CADPS: variants seen among roughly 807,000 people sequenced by gnomAD.
CADPS encodes calcium-dependent secretion activator 1.
CADPS carries 57 observed loss-of-function variants against 167.3 expected under a neutral mutation model. The ratio of observed to expected loss-of-function variants is 0.34; its 90% CI spans 0.28 to 0.42. The LOEUF (loss-of-function observed/expected upper bound fraction) is 0.42, where lower values mean the gene tolerates loss of function less well. CADPS is among the 20% of genes least tolerant of loss of function. The pLI is 1.00. For missense variants in CADPS, 1,414 were observed against 1,738.1 expected (o/e 0.81, Z 3.32); for synonymous variants, 676 against 635.3 (o/e 1.06, Z -0.96).
rs747123779 is a variant in CADPS at position 62,499,167 on chromosome 3, C to A, written c.2701G>T (p.Ala901Ser). 6.2e-7 allele frequency: 1 copy of A among 1,605,324 alleles called. No homozygotes were observed. Among genetic ancestry groups the A allele is most frequent in the Admixed American group, 1.7e-5 (1 of 60,004 alleles). ...TTCCCACCAAGCCTGCTCACCTCTGCGTGGTGCTCCTCATTTTGCTGAAGA... is the reference window on the plus strand; with the variant it reads ...TTCCCACCAAGCCTGCTCACCTCTGAGTGGTGCTCCTCATTTTGCTGAAGA... ...EVLQQNEEHH[A>S]EPHVDKGEAF... is the part of the protein sequence containing the mutation. Residue 901 changes from alanine to serine, a missense_variant, in exon 18 of 30, where the codon GCA becomes TCA. Coordinates refer to ENST00000383710, the MANE Select transcript of CADPS (RefSeq NM_003716.4).
At chr3:62,488,493 TTTA>T (rs956944791) in intron 21 of CADPS, among the ~76,000 whole-genome samples, 18 of 150,558 alleles carry the variant, frequency 1.2e-4, no homozygotes, top group Admixed American at 4.0e-4. Context: ...TATTTATTTA[TTTA>T]TTATTATTAT....
At chr3:62,634,151 A>G (rs552557587) in intron 6 of CADPS, among the ~76,000 whole-genome samples, 3 of 152,318 alleles carry the variant, frequency 2.0e-5, no homozygotes, top group Non-Finnish European at 4.4e-5. Flanking sequence ...ATTTAATATG[A>G]TGAATGCTAG....
chr3:62,666,945 A>T (rs918849779), intron 3 of CADPS, among the ~76,000 whole-genome samples: 3 of 152,014 alleles, frequency 2.0e-5, no homozygotes, highest in Non-Finnish European at 2.9e-5. Flanking sequence ...CAGAGTGGAC[A>T]TCATTTTATC....
chr3:62,462,605 G>A (rs1035778191), intron 26 of CADPS, among the ~76,000 whole-genome samples: 1 of 152,214 alleles, frequency 6.6e-6, no homozygotes, highest in Non-Finnish European at 1.5e-5. Context: ...TAAGTGCACA[G>A]TAATACTTAA....
At chr3:62,575,958 G>A (rs1005484947) in intron 8 of CADPS, among the ~76,000 whole-genome samples, 1 of 152,180 alleles carries the variant, frequency 6.6e-6, no homozygotes, top group East Asian at 1.9e-4. Context: ...GAAAAACTGA[G>A]GGCTGAGATG....
At chr3:62,850,573 G>T (rs2153097762) in intron 1 of CADPS, among the ~76,000 whole-genome samples, 1 of 137,874 alleles carries the variant, frequency 7.3e-6, no homozygotes, top group South Asian at 2.7e-4. Flanking sequence ...TTTCTATGTA[G>T]TTGAGCGGCT....
chr3:62,702,359 A>G (rs939100833), intron 3 of CADPS, among the ~76,000 whole-genome samples: 6 of 152,146 alleles, frequency 3.9e-5, no homozygotes, highest in Admixed American at 2.6e-4. Flanking sequence ...GAGCATGAAG[A>G]CCAAGGCTTA....
chr3:62,626,032 T>C (rs1385695421), intron 6 of CADPS: 1 of 151,400 alleles, frequency 6.6e-6, no homozygotes, highest in Non-Finnish European at 1.5e-5. Context: ...ATTTTATTTA[T>C]TTGTGTCCTG....
At chr3:62,490,634 C>T (rs116261584) in intron 21 of CADPS, among the ~76,000 whole-genome samples, 98 of 152,282 alleles carry the variant, frequency 6.4e-4, no homozygotes, top group African/African-American at 8.9e-4. Context: ...AAAAAAAGCA[C>T]ACGGTTGTCA....
intron 1 of CADPS, among the ~76,000 whole-genome samples, chr3:62,810,531 C>T (rs1029809315): frequency 2.0e-5 from 3 of 152,128 alleles, no homozygotes; most frequent in South Asian, 2.1e-4. Context: ...CTTTATTACT[C>T]GGATTTGTTT....
chr3:62,823,754 C>A (rs2073461849), intron 1 of CADPS, among the ~76,000 whole-genome samples: 1 of 152,154 alleles, frequency 6.6e-6, no homozygotes, highest in Non-Finnish European at 1.5e-5. Flanking sequence ...AAGCCTTAAT[C>A]TCTTTAATCG....
intron 1 of CADPS, among the ~76,000 whole-genome samples, chr3:62,824,166 CAA>C (rs3047274): frequency 0.45 from 57,062 of 126,572 alleles, 11,944 homozygotes; most frequent in Middle Eastern, 0.59. Context: ...GCTATAACTT[CAA>C]AAAAAAAAAA....
chr3:62,585,257 T>C lies in CADPS; in HGVS notation c.1505A>G (p.Asn502Ser), dbSNP rs747633246. 6.2e-7 allele frequency: 1 copy of C among 1,613,754 alleles called. No homozygotes were observed. Among genetic ancestry groups the C allele is most frequent in the South Asian group, 1.1e-5 (1 of 91,056 alleles). Residue 502 changes from asparagine to serine, a missense_variant, in exon 8 of 30, where the codon AAC (asparagine) becomes AGC (serine). By Grantham distance (46) the Asn-to-Ser change is conservative. Around this residue, in one of 6 missense-constraint regions of CADPS, gnomAD observed 157 missense variants for 229.4 expected, o/e 0.68. Coordinates refer to ENST00000383710, the MANE Select transcript of CADPS (RefSeq NM_003716.4). ...GATTTTGAGATCTTGGTCGGGGCAGTTTTTGGAGACTGTCATTTTGTGCCA... is the reference window on the plus strand; with the variant it reads ...GATTTTGAGATCTTGGTCGGGGCAGCTTTTGGAGACTGTCATTTTGTGCCA... ...SEWHKMTVSKNCPDQDLKIKL... is the reference protein window; with the variant it reads ...SEWHKMTVSKSCPDQDLKIKL...
At chr3:62,597,279 T>C (rs972310993) in intron 6 of CADPS, among the ~76,000 whole-genome samples, 10 of 152,156 alleles carry the variant, frequency 6.6e-5, no homozygotes, top group African/African-American at 2.2e-4. Context: ...CCCAGGACTT[T>C]GAGGTTACTG....
intron 1 of CADPS, among the ~76,000 whole-genome samples, chr3:62,834,139 C>T (rs1301478976): frequency 6.6e-6 from 1 of 152,148 alleles, no homozygotes; most frequent in Non-Finnish European, 1.5e-5. Flanking sequence ...CCTTTGAGAA[C>T]TCCTCAGTGA....
chr3:62,557,447 G>A lies in CADPS; in HGVS notation c.1711C>T (p.Gln571Ter). ...TAATCCACAGTGTAGCCATCCAATT[G>A]TAGAAGTTCCTGAGGCTCCGCTTTC... ...EKKAEPQELL[Q>*]LDGYTVDYTD... The change falls in exon 10 of 30, where the codon CAA becomes TAA. Residue 571 changes from glutamine (Q) to a stop codon, truncating the protein, a stop_gained. Transcript: ENST00000383710. LOFTEE classifies it high-confidence loss of function. 1 of 1,614,060 alleles carries A rather than the reference G, an allele frequency of 6.2e-7. No homozygotes were observed. Among genetic ancestry groups the A allele is most frequent in the Non-Finnish European group, 8.5e-7 (1 of 1,179,944 alleles).
intron 3 of CADPS, among the ~76,000 whole-genome samples, chr3:62,737,684 C>T (rs939172288): frequency 2.6e-5 from 4 of 152,128 alleles, no homozygotes; most frequent in Admixed American, 1.3e-4. Context: ...CTTTCCGTTT[C>T]TGTTTGGTCT....
chr3:62,720,538 T>TA (rs1428992315), intron 3 of CADPS, among the ~76,000 whole-genome samples: 7 of 152,102 alleles, frequency 4.6e-5, no homozygotes, highest in Non-Finnish European at 7.4e-5. Flanking sequence ...GGGGTCTTGT[T>TA]ATGTTGTCCA....
chr3:62,858,740 A>G (rs1051246011), intron 1 of CADPS, among the ~76,000 whole-genome samples: 1 of 152,106 alleles, frequency 6.6e-6, no homozygotes, highest in Non-Finnish European at 1.5e-5. Flanking sequence ...TACTTTAATG[A>G]TATGTGTTGC....
Sources: gnomAD v4.1 joint callset for allele counts (sites outside exome capture counted in the v4.1 genomes callset) on GRCh38, gnomAD v4.1.1 for gene constraint, gnomAD v4.1.1 regional missense constraint, MANE v1.5 for transcripts, NCBI Gene and HGNC (gene_info 2026-07-23, HGNC 2026-07-21) for gene names.